ZCWPW2: variants seen among roughly 807,000 people sequenced by gnomAD.
The protein encoded by ZCWPW2 is zinc finger CW-type PWWP domain protein 2.
A neutral mutation model predicts 46.6 loss-of-function variants in ZCWPW2; 45 were observed. The ratio of observed to expected loss-of-function variants is 0.96; its 90% CI spans 0.76 to 1.24. The LOEUF (loss-of-function observed/expected upper bound fraction) is 1.24. Among genes scored for constraint, ZCWPW2 ranks in the 50% most tolerant of loss-of-function variants. The pLI is 0.00. For synonymous variants in ZCWPW2, 152 were observed against 137.1 expected (o/e 1.11, Z -0.76); for missense variants, 429 against 403.9 (o/e 1.06, Z -0.53).
intron 6 of ZCWPW2, among the ~76,000 whole-genome samples, chr3:28,497,813 C>CT (rs1389632560): frequency 1.3e-5 from 2 of 152,020 alleles, no homozygotes; most frequent in Non-Finnish European, 2.9e-5. Context: ...ACTTAACTCC[C>CT]TTTTTTAGCT....
chr3:28,425,780 A>T (rs1696982634), intron 3 of ZCWPW2, among the ~76,000 whole-genome samples: 1 of 152,234 alleles, frequency 6.6e-6, no homozygotes, highest in Admixed American at 6.5e-5. Flanking sequence ...ATCTACTTCT[A>T]CATTCTGGCA....
intron 2 of ZCWPW2, among the ~76,000 whole-genome samples, chr3:28,409,418 C>A (rs1559493106): frequency 6.6e-6 from 1 of 152,076 alleles, no homozygotes; most frequent in Non-Finnish European, 1.5e-5. Flanking sequence ...CCATGCCCGG[C>A]CACTGTTTTC....
chr3:28,438,580 A>C (rs1004567267), intron 4 of ZCWPW2, among the ~76,000 whole-genome samples: 10 of 152,214 alleles, frequency 6.6e-5, no homozygotes, highest in African/African-American at 2.4e-4. Flanking sequence ...TCTGATTTTC[A>C]AACTTACCAC....
intron 3 of ZCWPW2, among the ~76,000 whole-genome samples, chr3:28,416,828 T>G (rs1380645836): frequency 1.7e-5 from 2 of 117,602 alleles, no homozygotes; most frequent in Non-Finnish European, 3.4e-5. Context: ...TTATTGATTT[T>G]CGTATGTTGA....
At chr3:28,516,035 G>A (rs1192494688) in intron 8 of ZCWPW2, among the ~76,000 whole-genome samples, 1 of 151,938 alleles carries the variant, frequency 6.6e-6, no homozygotes, top group Non-Finnish European at 1.5e-5. Context: ...GAGGTCAGGA[G>A]TTCAAGACCA....
intron 4 of ZCWPW2, among the ~76,000 whole-genome samples, chr3:28,467,306 A>G (rs529134703): frequency 1.3e-5 from 2 of 150,020 alleles, no homozygotes; most frequent in East Asian, 3.9e-4. Context: ...AGAGGAGAAT[A>G]TTTGTAGTAC....
Position 28,400,039 on chromosome 3 carries a change from A to G in ZCWPW2, c.-14+9422A>G, listed in dbSNP as rs543352982. Among the ~76,000 whole-genome samples, 19 of 152,328 alleles carry G rather than the reference A, an allele frequency of 1.2e-4. No individual in the cohort carries two copies. The East Asian group carries it at 3.3e-3, about 26-fold the overall frequency. On this transcript the variant is annotated intron_variant, in intron 2 of 9. Transcript: ENST00000383768. The stretch of plus-strand genomic sequence containing the variant: ...TAAGGAAATAAAAAAAAATGATACA[A>G]GAAGTGAAGGGACAAACATTCAGGG...
At chr3:28,434,804 T>G (rs1697417265) in intron 3 of ZCWPW2, among the ~76,000 whole-genome samples, 1 of 152,218 alleles carries the variant, frequency 6.6e-6, no homozygotes, top group African/African-American at 2.4e-5. Flanking sequence ...TCTCTTATCT[T>G]TTCTATCATC....
intron 6 of ZCWPW2, among the ~76,000 whole-genome samples, chr3:28,508,192 A>G (rs1170628306): frequency 1.3e-5 from 2 of 152,128 alleles, no homozygotes; most frequent in African/African-American, 4.8e-5. Flanking sequence ...GCATTGATCC[A>G]TTTGTGAAGG....
chr3:28,406,484 C>G (rs1696165193), intron 2 of ZCWPW2, among the ~76,000 whole-genome samples: 1 of 152,130 alleles, frequency 6.6e-6, no homozygotes, highest in Admixed American at 6.6e-5. Flanking sequence ...CAAGTCTATT[C>G]ATGTAGAGGC....
chr3:28,410,494 AT>A (rs1367528551), intron 2 of ZCWPW2, among the ~76,000 whole-genome samples: 2 of 152,026 alleles, frequency 1.3e-5, no homozygotes, highest in African/African-American at 4.8e-5. Flanking sequence ...TGCCAAAAAA[AT>A]CAATATCACA....
At chr3:28,519,882 G>A (rs1027865362) in intron 8 of ZCWPW2, among the ~76,000 whole-genome samples, 2 of 151,932 alleles carry the variant, frequency 1.3e-5, no homozygotes, top group South Asian at 2.1e-4. Flanking sequence ...TTTAAGTCAA[G>A]AACTCAAATG....
intron 2 of ZCWPW2, among the ~76,000 whole-genome samples, chr3:28,407,615 A>T (rs1696219262): frequency 6.6e-6 from 1 of 152,158 alleles, no homozygotes; most frequent in African/African-American, 2.4e-5. Context: ...CTGGCTGAAA[A>T]TTGAGTGTCC....
chr3:28,431,308 A>T (rs930388611), intron 3 of ZCWPW2, among the ~76,000 whole-genome samples: 2 of 152,194 alleles, frequency 1.3e-5, no homozygotes, highest in African/African-American at 4.8e-5. Flanking sequence ...CCATAACAAA[A>T]TGTCACAGAC....
At chr3:28,481,718 A>G (rs918954610) in intron 5 of ZCWPW2, among the ~76,000 whole-genome samples, 1 of 152,000 alleles carries the variant, frequency 6.6e-6, no homozygotes, top group African/African-American at 2.4e-5. Flanking sequence ...TCTCCTTTGG[A>G]AAACTTTATA....
intron 2 of ZCWPW2, among the ~76,000 whole-genome samples, chr3:28,393,346 A>G (rs1695570224): frequency 6.6e-6 from 1 of 152,106 alleles, no homozygotes; most frequent in South Asian, 2.1e-4. Flanking sequence ...GCTGCTGAAT[A>G]CTACCAAATA....
At chr3:28,401,870 C>T (rs1432735640) in intron 2 of ZCWPW2, among the ~76,000 whole-genome samples, 1 of 151,854 alleles carries the variant, frequency 6.6e-6, no homozygotes, top group African/African-American at 2.4e-5. Context: ...AATTCTTCCA[C>T]ATAAACGACC....
intron 1 of ZCWPW2, among the ~76,000 whole-genome samples, chr3:28,360,039 G>A (rs1299355460): frequency 6.6e-6 from 1 of 151,938 alleles, no homozygotes; most frequent in East Asian, 1.9e-4. Flanking sequence ...TCGAAACAAA[G>A]ATGTCACTTT....
intron 4 of ZCWPW2, among the ~76,000 whole-genome samples, chr3:28,453,845 TA>T (rs1698322467): frequency 2.0e-5 from 3 of 148,422 alleles, no homozygotes; most frequent in Admixed American, 6.7e-5. Flanking sequence ...TTATTTTTTT[TA>T]TTATTATTTT....
Sources: allele counts gnomAD v4.1 joint callset (sites outside exome capture counted in the v4.1 genomes callset), GRCh38; gene constraint gnomAD v4.1.1; transcripts MANE v1.5; gene names NCBI Gene and HGNC (gene_info 2026-07-23, HGNC 2026-07-21).